MORC4: variants seen among roughly 807,000 people sequenced by gnomAD.
The protein encoded by MORC4 is MORC family CW-type zinc finger protein 4.
MORC4 carries 22 observed loss-of-function variants against 65.5 expected under a neutral mutation model. That is an observed-to-expected ratio of 0.34 (90% confidence interval 0.24 to 0.48). MORC4 has a LOEUF of 0.48. MORC4 is among the 20% of genes least tolerant of loss of function. MORC4 has a pLI of 0.99. For synonymous variants in MORC4, 267 were observed against 255.8 expected (o/e 1.04, Z -0.42); for missense variants, 624 against 703.0 (o/e 0.89, Z 1.27).
chrX:106,976,385 C>A (rs1360677991), intron 9 of MORC4, among the ~76,000 whole-genome samples, 199 bp downstream of exon 9: 1 of 111,922 alleles, frequency 8.9e-6, no homozygotes, highest in Non-Finnish European at 1.9e-5. Context: ...TAAGGTTTAT[C>A]TCAACGAGAC....
At chrX:106,962,758 G>A (rs1159624496) in intron 9 of MORC4, among the ~76,000 whole-genome samples, 2 of 111,593 alleles carry the variant, frequency 1.8e-5, no homozygotes, top group Non-Finnish European at 3.8e-5. Context: ...TAGACTCAGG[G>A]TCAACAAAAA....
At position 106,941,475 on chromosome X, in the gene MORC4, GT is replaced by G. The variant is rs1321894167; in HGVS notation, c.*3del. On this transcript the variant is annotated 3_prime_UTR_variant, in exon 17 of 17. Coordinates refer to ENST00000355610, the MANE Select transcript of MORC4 (RefSeq NM_024657.5). ...AGAGAAGAGAAGGGTATACAGTCTG[GT>G]GCTCAATCCAGTATGTGATTTGCCT... is the stretch of plus-strand genomic sequence containing the variant. 8.3e-7 allele frequency: 1 copy of G among 1,198,294 alleles called. No homozygotes were observed. Among genetic ancestry groups the G allele is most frequent in the Admixed American group, 2.2e-5 (1 of 45,275 alleles).
At chrX:106,947,927 T>C (rs1052573486) in intron 14 of MORC4, among the ~76,000 whole-genome samples, 3 of 109,688 alleles carry the variant, frequency 2.7e-5, no homozygotes, top group Admixed American at 9.8e-5. Flanking sequence ...AACAACTAGA[T>C]ATATATAAAA....
intron 9 of MORC4, 86 bp downstream of exon 9, chrX:106,976,498 T>C: frequency 1.8e-6 from 1 of 540,797 alleles, no homozygotes. Context: ...ATTTAGCTGC[T>C]TTTTAGAGAT....
chrX:106,963,853 C>T (rs1450209638), intron 9 of MORC4, among the ~76,000 whole-genome samples: 1 of 106,945 alleles, frequency 9.4e-6, no homozygotes. Flanking sequence ...ATCCTTGGCA[C>T]AGAGAAAGCC....
chrX:106,992,046 A>T (rs1934994305), intron 3 of MORC4, among the ~76,000 whole-genome samples: 1 of 111,864 alleles, frequency 8.9e-6, no homozygotes, highest in South Asian at 3.7e-4. Context: ...TATAAAACTG[A>T]TGTTATAAGT....
chrX:106,947,108 T>C (rs1324245360), intron 14 of MORC4, among the ~76,000 whole-genome samples: 1 of 111,569 alleles, frequency 9.0e-6, no homozygotes, highest in Non-Finnish European at 1.9e-5. Flanking sequence ...ATTTTGGAAA[T>C]TAAGACGTGT....
At chrX:106,989,791 C>A (rs374394696) in intron 3 of MORC4, among the ~76,000 whole-genome samples, 30 of 103,174 alleles carry the variant, frequency 2.9e-4, no homozygotes, top group African/African-American at 1.0e-3. Flanking sequence ...CACTTGAATC[C>A]GGGAGGCGGA....
At chrX:106,965,308 A>T (rs1200611574) in intron 9 of MORC4, among the ~76,000 whole-genome samples, 1 of 111,958 alleles carries the variant, frequency 8.9e-6, no homozygotes, top group Non-Finnish European at 1.9e-5. Flanking sequence ...TTCCCATGAT[A>T]AGCACAAACA....
chrX:106,999,616 CGGCACCACGCT>C, intron 2 of MORC4, 50 bp downstream of exon 2: 2 of 1,058,136 alleles, frequency 1.9e-6, no homozygotes, highest in Admixed American at 3.1e-5. Context: ...CTCGCGTCCG[CGGCACCACGCT>C]GGCACCACTG....
chrX:106,949,159 C>A (rs1451802840), intron 14 of MORC4, among the ~76,000 whole-genome samples: 4 of 111,203 alleles, frequency 3.6e-5, no homozygotes, highest in East Asian at 2.8e-4. Flanking sequence ...ATTCTTTATT[C>A]TTCCAACTCT....
chrX:106,980,868 T>C lies in MORC4; in HGVS notation c.936+23A>G, dbSNP rs1287307175. On this transcript the variant is annotated intron_variant, in intron 7 of 16. Coordinates refer to ENST00000355610, the MANE Select transcript of MORC4 (RefSeq NM_024657.5). ...CTGAAATAAAGAGGTCAACTTCATG[T>C]AGTGGTACACTTGTAAGGATACTGT... 5.9e-6 allele frequency: 7 copies of C among 1,188,145 alleles called. No homozygotes were observed. In the South Asian group the frequency reaches 7.3e-5, roughly 12 times the overall value.
intron 3 of MORC4, among the ~76,000 whole-genome samples, chrX:106,989,265 A>T (rs752221947): frequency 5.3e-5 from 6 of 112,493 alleles, no homozygotes; most frequent in Non-Finnish European, 7.5e-5. Flanking sequence ...AAGGCAGCTG[A>T]ATATACAGAC....
intron 3 of MORC4, among the ~76,000 whole-genome samples, chrX:106,992,573 T>C (rs2147827346): frequency 8.8e-6 from 1 of 112,998 alleles, no homozygotes; most frequent in African/African-American, 3.2e-5. Context: ...AATAGAAATC[T>C]AGCACAAGCT....
Position 106,943,007 on chromosome X carries a change from T to G in MORC4, c.1884A>C (p.Glu628Asp). ...CTGTATTCTTGCTTGCTTCTGGGTA[T>G]TCTGGGAAAAGGTATGGTGGTGTAC... ...ERSTPPYLFP[E>D]YPEASKNTGQ... The change falls in exon 15 of 17, where the codon GAA (glutamate) becomes GAC (aspartate). Residue 628 changes from glutamate to aspartate, a missense_variant. Physicochemically the swap from Glu to Asp is conservative, Grantham distance 45. Transcript: ENST00000355610. The G allele has an allele frequency of 8.3e-7, 1 of 1,211,556 alleles. No individual in the cohort carries two copies. Among genetic ancestry groups the G allele is most frequent in the Non-Finnish European group, 1.1e-6 (1 of 895,426 alleles).
At chrX:106,942,276 C>T (rs1003101673) in intron 15 of MORC4, 55 bp from the exon 16 acceptor site, 1 of 1,140,935 alleles carries the variant, frequency 8.8e-7, no homozygotes, top group Non-Finnish European at 1.2e-6. Flanking sequence ...CGCCAAAAAC[C>T]GTTCCTCATA....
intron 3 of MORC4, among the ~76,000 whole-genome samples, chrX:106,987,324 C>A (rs1010148725): frequency 1.8e-5 from 2 of 110,715 alleles, no homozygotes; most frequent in African/African-American, 6.6e-5. Context: ...TCACATGTAC[C>A]CCATAAATAT....
At chrX:106,956,869 C>A in intron 12 of MORC4, 67 bp downstream of exon 12, 1 of 861,472 alleles carries the variant, frequency 1.2e-6, no homozygotes, top group Non-Finnish European at 1.7e-6. Flanking sequence ...TCAAAACTCC[C>A]GTCCTGTAAG....
intron 9 of MORC4, among the ~76,000 whole-genome samples, chrX:106,969,814 C>G (rs967144863): frequency 2.7e-5 from 3 of 111,795 alleles, no homozygotes; most frequent in African/African-American, 9.8e-5. Context: ...GTAACAGGCT[C>G]TGAAATTGAG....
Sources: allele counts gnomAD v4.1 joint callset (sites outside exome capture counted in the v4.1 genomes callset), GRCh38; gene constraint gnomAD v4.1.1; transcripts MANE v1.5; gene names NCBI Gene and HGNC (gene_info 2026-07-23, HGNC 2026-07-21).